The following KIAA1217 variants were observed in gnomAD, a reference collection of about 807,000 sequenced individuals.
KIAA1217 encodes the protein sickle tail protein homolog.
In KIAA1217, 88 loss-of-function variants were observed where a neutral mutation model predicts 163.9. The ratio of observed to expected loss-of-function variants is 0.54; its 90% CI spans 0.45 to 0.64. The LOEUF (loss-of-function observed/expected upper bound fraction) is 0.64. Ranked by LOEUF, KIAA1217 falls within the 30% of genes least tolerant of loss-of-function variation. The pLI is 0.00. For synonymous variants in KIAA1217, 903 were observed against 923.1 expected, an observed-to-expected ratio of 0.98 and a Z score of 0.39; for missense variants, 2,372 against 2,475.0, an observed-to-expected ratio of 0.96 and a Z score of 0.88.
At chr10:24,037,558 A>G (rs1261313794) in intron 2 of KIAA1217, among the ~76,000 whole-genome samples, 3 of 152,190 alleles carry the variant, frequency 2.0e-5, no homozygotes, top group African/African-American at 7.2e-5. Context: ...AGCAAACCTG[A>G]TCAGCTGGTG....
rs933893261 is a variant in KIAA1217, at chr10:24,263,571, G to T, written c.354+43662G>T. Among the ~76,000 whole-genome samples the T allele has an allele frequency of 3.3e-5, 5 of 152,146 alleles. No individual in the cohort carries two copies. The East Asian group carries it at 9.6e-4, about 29-fold the overall frequency. ...TCCAAGGACATTTTAACCTCTCAAT[G>T]CCTTGTTTTGCAGCCAAAGGTATAT... On this transcript the variant is annotated intron_variant, in intron 2 of 20. Transcript: ENST00000376454.
chr10:24,063,038 A>T (rs1387834697), intron 2 of KIAA1217, among the ~76,000 whole-genome samples: 1 of 151,814 alleles, frequency 6.6e-6, no homozygotes, highest in Non-Finnish European at 1.5e-5. Flanking sequence ...TCTGGATATT[A>T]GCCCTTTGTC....
chr10:23,792,638 G>A (rs935379063), intron 1 of KIAA1217, among the ~76,000 whole-genome samples: 1 of 150,008 alleles, frequency 6.7e-6, no homozygotes, highest in East Asian at 2.0e-4. Flanking sequence ...GACTACAGGC[G>A]CCTGCCACCA....
chr10:24,277,122 T>A (rs1041933883), intron 2 of KIAA1217, among the ~76,000 whole-genome samples: 1 of 152,222 alleles, frequency 6.6e-6, no homozygotes, highest in Non-Finnish European at 1.5e-5. Flanking sequence ...ATCATGTCCC[T>A]AGTTTTATAG....
chr10:23,933,052 CT>C (rs368824109), intron 1 of KIAA1217, among the ~76,000 whole-genome samples: 148 of 152,302 alleles, frequency 9.7e-4, no homozygotes, highest in African/African-American at 3.4e-3. Context: ...GCTGTAGAGG[CT>C]TTGCCTTAGC....
At chr10:24,197,343 G>GA (rs1304489347) in intron 2 of KIAA1217, among the ~76,000 whole-genome samples, 2 of 152,188 alleles carry the variant, frequency 1.3e-5, no homozygotes, top group South Asian at 2.1e-4. Context: ...CTGACTTATG[G>GA]AAAAAAGATG....
chr10:24,411,862 T>C (rs763183797), intron 3 of KIAA1217, among the ~76,000 whole-genome samples: 4 of 152,146 alleles, frequency 2.6e-5, no homozygotes, highest in African/African-American at 9.7e-5. Context: ...TAGTTTTCTT[T>C]GGATTTTGGA....
At chr10:23,948,452 G>A (rs1299497160) in intron 1 of KIAA1217, among the ~76,000 whole-genome samples, 4 of 152,266 alleles carry the variant, frequency 2.6e-5, no homozygotes, top group Admixed American at 2.6e-4. Context: ...GCCAGTAACT[G>A]CCACTTTGTT....
chr10:23,748,723 G>T (rs540591871), intron 1 of KIAA1217, among the ~76,000 whole-genome samples: 1 of 152,032 alleles, frequency 6.6e-6, no homozygotes, highest in African/African-American at 2.4e-5. Flanking sequence ...TACAGGTAAC[G>T]TTTCTTCTTC....
chr10:24,118,830 GAGGACCC>G (rs1392489849), intron 2 of KIAA1217, among the ~76,000 whole-genome samples: 1 of 152,012 alleles, frequency 6.6e-6, no homozygotes, highest in Non-Finnish European at 1.5e-5. Flanking sequence ...AGCATACCCT[GAGGACCC>G]AGGGAGTAGA....
At chr10:24,004,771 A>T (rs1846916434) in intron 1 of KIAA1217, among the ~76,000 whole-genome samples, 1 of 152,252 alleles carries the variant, frequency 6.6e-6, no homozygotes, top group Non-Finnish European at 1.5e-5. Flanking sequence ...GGAAAAGAAG[A>T]GAGCAAAACT....
At chr10:24,219,957 A>G in intron 2 of KIAA1217, 48 bp downstream of exon 2, 1 of 1,513,300 alleles carries the variant, frequency 6.6e-7, no homozygotes, top group South Asian at 1.3e-5. Context: ...TCTCTAATGA[A>G]CATCGAGGAA....
intron 2 of KIAA1217, among the ~76,000 whole-genome samples, chr10:24,341,950 T>C (rs1428793072): frequency 2.6e-5 from 4 of 152,220 alleles, no homozygotes; most frequent in Non-Finnish European, 5.9e-5. Flanking sequence ...TTGATGTTGT[T>C]TGAAAAGAGT....
Position 24,501,524 on chromosome 10 carries a change from C to T in KIAA1217, c.1980C>T (p.Leu660=). 6.2e-7 allele frequency: 1 copy of T among 1,613,466 alleles called. No individual in the cohort carries two copies. The highest frequency in any genetic ancestry group is 1.3e-5 in the African/African-American group (1 of 74,940). Residue 660 remains leucine, a synonymous_variant, in exon 9 of 21, where the codon CTC becomes CTT. Coordinates refer to ENST00000376454, the MANE Select transcript of KIAA1217 (RefSeq NM_019590.5). ...GCGTGGCGGAACTCAGGCTCCAGCT[C>T]CAGCAGATGCGGCAGCTCCAGGTAT... ...RRSVAELRLQ[L]QQMRQLQLQN...
intron 9 of KIAA1217, among the ~76,000 whole-genome samples, chr10:24,505,884 G>A (rs188507790): frequency 8.9e-4 from 135 of 152,062 alleles, no homozygotes; most frequent in Admixed American, 2.6e-3. Context: ...ATGAGATGGC[G>A]CCTCGTGGAA....
chr10:23,896,506 C>G (rs1841708962), intron 1 of KIAA1217, among the ~76,000 whole-genome samples: 1 of 152,036 alleles, frequency 6.6e-6, no homozygotes, highest in Admixed American at 6.6e-5. Flanking sequence ...CAGTGCAGTG[C>G]TATTTCACTC....
intron 1 of KIAA1217, among the ~76,000 whole-genome samples, chr10:23,965,330 ATAAC>A (rs1487716251): frequency 6.6e-6 from 1 of 152,224 alleles, no homozygotes; most frequent in Non-Finnish European, 1.5e-5. Flanking sequence ...TGTATGTTTC[ATAAC>A]TAACTGAGTG....
chr10:24,291,231 A>G (rs192325472), intron 2 of KIAA1217, among the ~76,000 whole-genome samples: 10 of 152,244 alleles, frequency 6.6e-5, no homozygotes, highest in African/African-American at 2.4e-4. Flanking sequence ...ATTATCTTAG[A>G]AAATTTCACT....
At chr10:24,183,928 A>G (rs1260550549) in intron 2 of KIAA1217, among the ~76,000 whole-genome samples, 2 of 152,122 alleles carry the variant, frequency 1.3e-5, no homozygotes, top group Non-Finnish European at 2.9e-5. Flanking sequence ...AATTCCCTCA[A>G]ATACATTTCT....
Sources: allele counts gnomAD v4.1 joint callset (sites outside exome capture counted in the v4.1 genomes callset), GRCh38; gene constraint gnomAD v4.1.1; transcripts MANE v1.5; gene names NCBI Gene and HGNC (gene_info 2026-07-23, HGNC 2026-07-21).